FBXL7: variants seen among roughly 807,000 people sequenced by gnomAD.
FBXL7 encodes F-box/LRR-repeat protein 7.
In FBXL7, 12 loss-of-function variants were observed where a neutral mutation model predicts 38.3. That is an observed-to-expected ratio of 0.31 (90% confidence interval 0.20 to 0.51). The LOEUF is 0.51. Among genes scored for constraint, FBXL7 ranks in the 20% least tolerant of loss-of-function variants. FBXL7 has a pLI of 0.98. For synonymous variants in FBXL7, 297 were observed against 300.9 expected, an observed-to-expected ratio of 0.99 and a Z score of 0.13; for missense variants, 567 against 676.4, an observed-to-expected ratio of 0.84 and a Z score of 1.79.
chr5:15,614,802 T>G (rs938749322), intron 1 of FBXL7, among the ~76,000 whole-genome samples: 2 of 152,176 alleles, frequency 1.3e-5, no homozygotes, highest in African/African-American at 4.8e-5. Flanking sequence ...CTCATTTTCT[T>G]GTAGCTGCAG....
intron 2 of FBXL7, among the ~76,000 whole-genome samples, chr5:15,755,646 A>G (rs566760252): frequency 6.6e-6 from 1 of 152,362 alleles, no homozygotes; most frequent in South Asian, 2.1e-4. Flanking sequence ...GTTTTCAAAA[A>G]GCACATCCAG....
In FBXL7 at chr5:15,507,030, A is replaced by G. The variant is rs776835827; in HGVS notation, c.37+6317A>G. Among the ~76,000 whole-genome samples the G allele has an allele frequency of 2.0e-5, 3 of 151,106 alleles. No individual in the cohort carries two copies. In the Admixed American group the frequency reaches 2.0e-4, roughly 10 times the overall value. On this transcript the variant is annotated intron_variant, in intron 1 of 3. Coordinates refer to ENST00000504595, the MANE Select transcript of FBXL7 (RefSeq NM_012304.5). Reference sequence around the variant, plus strand: ...TGCTAATATGTTTCATCCACTTATAACAGATAATTTGTGACTTCATTCAAG... The same window carrying G: ...TGCTAATATGTTTCATCCACTTATAGCAGATAATTTGTGACTTCATTCAAG...
At chr5:15,603,140 A>G (rs1301853239) in intron 1 of FBXL7, among the ~76,000 whole-genome samples, 2 of 152,180 alleles carry the variant, frequency 1.3e-5, no homozygotes, top group African/African-American at 4.8e-5. Flanking sequence ...GCCCAACCTC[A>G]TACTGCATTT....
At chr5:15,590,850 C>T (rs1409692143) in intron 1 of FBXL7, among the ~76,000 whole-genome samples, 1 of 152,114 alleles carries the variant, frequency 6.6e-6, no homozygotes, top group African/African-American at 2.4e-5. Context: ...ATTACTGAGT[C>T]ACATAGCTTT....
At chr5:15,633,234 C>G (rs1263014560) in intron 2 of FBXL7, among the ~76,000 whole-genome samples, 2 of 152,048 alleles carry the variant, frequency 1.3e-5, no homozygotes, top group Non-Finnish European at 2.9e-5. Context: ...CCAATATTCT[C>G]TAATGTATAA....
At chr5:15,722,325 C>T (rs1279841517) in intron 2 of FBXL7, among the ~76,000 whole-genome samples, 6 of 152,176 alleles carry the variant, frequency 3.9e-5, no homozygotes, top group African/African-American at 7.2e-5. Context: ...TCACTCATTC[C>T]TATCCGGCCA....
intron 1 of FBXL7, among the ~76,000 whole-genome samples, chr5:15,521,349 C>G (rs769459830): frequency 3.3e-5 from 5 of 152,166 alleles, no homozygotes; most frequent in Non-Finnish European, 5.9e-5. Context: ...TGGAAGGTTT[C>G]ACACATAGCA....
At chr5:15,635,565 T>C (rs544128079) in intron 2 of FBXL7, among the ~76,000 whole-genome samples, 1 of 151,818 alleles carries the variant, frequency 6.6e-6, no homozygotes, top group East Asian at 1.9e-4. Context: ...ATTTATAGAG[T>C]GGATGGGTGG....
intron 2 of FBXL7, among the ~76,000 whole-genome samples, chr5:15,927,578 A>G (rs148887915): frequency 0.014 from 2,131 of 151,896 alleles, 146 homozygotes; most frequent in Admixed American, 0.12. Flanking sequence ...TCGAGACCAA[A>G]CTGGCCAACA....
intron 2 of FBXL7, among the ~76,000 whole-genome samples, chr5:15,852,373 C>G (rs1002890332): frequency 2.6e-5 from 4 of 152,126 alleles, no homozygotes; most frequent in Admixed American, 2.6e-4. Context: ...CCCAGCCCCT[C>G]CCTCTGGAGT....
chr5:15,922,340 T>G (rs1237799537), intron 2 of FBXL7, among the ~76,000 whole-genome samples: 1 of 152,010 alleles, frequency 6.6e-6, no homozygotes, highest in Non-Finnish European at 1.5e-5. Flanking sequence ...ATTGGGGCAT[T>G]TTTTTCCTGA....
intron 3 of FBXL7, among the ~76,000 whole-genome samples, chr5:15,933,910 A>AT (rs1274563089): frequency 1.3e-5 from 2 of 152,182 alleles, no homozygotes; most frequent in Admixed American, 6.5e-5. Context: ...GAAAATGAAA[A>AT]ATATATATAC....
intron 1 of FBXL7, among the ~76,000 whole-genome samples, chr5:15,533,600 A>C (rs1019745518): frequency 6.6e-6 from 1 of 152,226 alleles, no homozygotes; most frequent in African/African-American, 2.4e-5. Flanking sequence ...TCACATCAGA[A>C]TATCGGAGAA....
chr5:15,674,609 G>A (rs1279247309), intron 2 of FBXL7, among the ~76,000 whole-genome samples: 2 of 152,098 alleles, frequency 1.3e-5, no homozygotes, highest in Non-Finnish European at 2.9e-5. Context: ...TAATTTTACT[G>A]TTTGGGTTAG....
intron 2 of FBXL7, among the ~76,000 whole-genome samples, chr5:15,780,247 T>C (rs536431068): frequency 2.0e-5 from 3 of 152,256 alleles, no homozygotes; most frequent in Non-Finnish European, 4.4e-5. Flanking sequence ...AAGTTGCCTA[T>C]GGCAGCTTGT....
At chr5:15,856,151 A>G (rs1376208047) in intron 2 of FBXL7, among the ~76,000 whole-genome samples, 1 of 152,104 alleles carries the variant, frequency 6.6e-6, no homozygotes, top group Non-Finnish European at 1.5e-5. Context: ...CACTTCTTAC[A>G]TGGTGGTGGC....
At chr5:15,914,826 C>G (rs1336843619) in intron 2 of FBXL7, among the ~76,000 whole-genome samples, 1 of 152,198 alleles carries the variant, frequency 6.6e-6, no homozygotes, top group Non-Finnish European at 1.5e-5. Context: ...CCATATAAGA[C>G]TCTGGACTGA....
At chr5:15,615,164 T>C (rs948874159) in intron 1 of FBXL7, among the ~76,000 whole-genome samples, 2 of 152,174 alleles carry the variant, frequency 1.3e-5, no homozygotes, top group Non-Finnish European at 2.9e-5. Flanking sequence ...ATCTGAAGAA[T>C]GTTTGGTAAT....
intron 2 of FBXL7, among the ~76,000 whole-genome samples, chr5:15,856,721 T>TTTCC (rs779084828): frequency 1.9e-4 from 29 of 152,088 alleles, no homozygotes; most frequent in African/African-American, 4.3e-4. Flanking sequence ...TTCATTCACT[T>TTTCC]TTCCTTCCTT....
Sources: gnomAD v4.1 joint callset for allele counts (sites outside exome capture counted in the v4.1 genomes callset) on GRCh38, gnomAD v4.1.1 for gene constraint, MANE v1.5 for transcripts, NCBI Gene and HGNC (gene_info 2026-07-23, HGNC 2026-07-21) for gene names.